NDST4: variants seen among roughly 807,000 people sequenced by gnomAD.
The protein encoded by NDST4 is N-deacetylase and N-sulfotransferase 4.
NDST4 carries 63 observed loss-of-function variants against 100.8 expected under a neutral mutation model. The ratio of observed to expected loss-of-function variants is 0.62; its 90% confidence interval spans 0.51 to 0.77. NDST4 has a LOEUF of 0.77. Among genes scored for constraint, NDST4 ranks in the 30% least tolerant of loss-of-function variants. The pLI is 0.00. For synonymous variants in NDST4, 377 were observed against 361.8 expected (o/e 1.04, Z -0.48); for missense variants, 943 against 1,018.4 (o/e 0.93, Z 1.01).
At chr4:114,848,667 C>T (rs556674360) in intron 8 of NDST4, among the ~76,000 whole-genome samples, 6 of 152,318 alleles carry the variant, frequency 3.9e-5, no homozygotes, top group African/African-American at 1.4e-4. Flanking sequence ...GCATGAAGGG[C>T]AAGGGTCCTT....
chr4:114,973,319 T>C lies in NDST4; in HGVS notation c.1067-2735A>G, dbSNP rs1438816284. On this transcript the variant is annotated intron_variant, in intron 3 of 13. Transcript: ENST00000264363. The stretch of plus-strand genomic sequence containing the variant: ...GTATATGTGGAAATATCATTTGCAG[T>C]TTATATGTGACCAGATTAGCACATT... 2.6e-5 allele frequency among the ~76,000 whole-genome samples: 4 copies of C among 151,940 alleles called. No individual in the cohort carries two copies. In the East Asian group the frequency reaches 7.7e-4, roughly 29 times the overall value.
intron 2 of NDST4, among the ~76,000 whole-genome samples, chr4:115,044,744 A>T (rs1045109839): frequency 3.8e-4 from 57 of 151,450 alleles, no homozygotes; most frequent in Admixed American, 3.7e-3. Context: ...AACATCAGAT[A>T]TTGGGGTTAC....
At chr4:115,080,708 G>GTAA (rs33935748) in intron 1 of NDST4, among the ~76,000 whole-genome samples, 84,269 of 151,316 alleles carry the variant, frequency 0.56, 24,040 homozygotes, top group Non-Finnish European at 0.61. Context: ...GTGTGTGTGT[G>GTAA]TAATAATGAA....
chr4:114,961,541 C>T (rs1342035888), intron 4 of NDST4, among the ~76,000 whole-genome samples: 1 of 151,764 alleles, frequency 6.6e-6, no homozygotes, highest in Non-Finnish European at 1.5e-5. Context: ...ATAATAACTG[C>T]CATGAGGTAA....
At chr4:114,919,340 C>T (rs796221140) in intron 6 of NDST4, among the ~76,000 whole-genome samples, 16 of 152,050 alleles carry the variant, frequency 1.1e-4, no homozygotes, top group African/African-American at 3.9e-4. Flanking sequence ...GTGGTAAATG[C>T]TATGAAAAAA....
rs114765762 is a variant in NDST4 at position 115,085,574 on chromosome 4, C to T, written c.-246-8292G>A. ...TGAGGGTGGTTACCCCCATGCTGCT[C>T]TCATGATACTGAGTGAGTTCTCACA... On this transcript the variant is annotated intron_variant, in intron 1 of 13. Coordinates refer to ENST00000264363, the MANE Select transcript of NDST4 (RefSeq NM_022569.3). 2.0e-5 allele frequency among the ~76,000 whole-genome samples: 3 copies of T among 152,098 alleles called. No individual in the cohort carries two copies. In the East Asian group the frequency reaches 5.8e-4, roughly 29 times the overall value.
chr4:115,050,620 A>G (rs1383315769), intron 2 of NDST4, among the ~76,000 whole-genome samples: 2 of 152,132 alleles, frequency 1.3e-5, no homozygotes, highest in Admixed American at 6.6e-5. Context: ...TTTCATCTTC[A>G]ATAACAAATA....
chr4:115,033,157 A>T (rs7668713), intron 2 of NDST4, among the ~76,000 whole-genome samples: 20,257 of 59,324 alleles, frequency 0.34, 1,768 homozygotes, highest in African/African-American at 0.38. Context: ...ATATATATAT[A>T]TTTTTTTTTT....
chr4:114,950,939 G>A (rs570647980), intron 4 of NDST4, among the ~76,000 whole-genome samples: 4 of 152,014 alleles, frequency 2.6e-5, no homozygotes, highest in African/African-American at 7.2e-5. Context: ...AAATCTCAGC[G>A]TCTCGATCAT....
chr4:115,023,916 A>C (rs987430394), intron 2 of NDST4, among the ~76,000 whole-genome samples: 1 of 152,138 alleles, frequency 6.6e-6, no homozygotes, highest in African/African-American at 2.4e-5. Context: ...TGCGATGGTC[A>C]TCTGTACTCT....
At chr4:114,913,694 T>C (rs1014519968) in intron 6 of NDST4, among the ~76,000 whole-genome samples, 1 of 146,298 alleles carries the variant, frequency 6.8e-6, no homozygotes, top group Non-Finnish European at 1.5e-5. Context: ...CAGAATGGTA[T>C]GCAAGAACCC....
chr4:114,848,480 A>C, intron 8 of NDST4, 142 bp from the exon 9 acceptor site: 1 of 625,642 alleles, frequency 1.6e-6, no homozygotes, highest in East Asian at 2.8e-5. Context: ...AACTAGATGC[A>C]TTCCATGCAG....
chr4:114,925,345 T>A (rs1398613803), intron 6 of NDST4, among the ~76,000 whole-genome samples: 1 of 152,164 alleles, frequency 6.6e-6, no homozygotes, highest in Non-Finnish European at 1.5e-5. Flanking sequence ...CTAAATTACC[T>A]CATCTATGCA....
At chr4:114,833,502 T>C (rs950122910) in intron 12 of NDST4, 104 bp downstream of exon 12, 30 of 709,378 alleles carry the variant, frequency 4.2e-5, no homozygotes, top group Non-Finnish European at 6.8e-5. Flanking sequence ...TAGCATAGGA[T>C]GTATAAATTC....
chr4:115,111,985 T>G (rs1729962361), intron 1 of NDST4, among the ~76,000 whole-genome samples: 1 of 151,818 alleles, frequency 6.6e-6, no homozygotes, highest in Non-Finnish European at 1.5e-5. Context: ...GGCAATTATA[T>G]TTTGCTTATT....
chr4:114,880,928 C>T (rs997224119), intron 6 of NDST4, among the ~76,000 whole-genome samples: 2 of 151,946 alleles, frequency 1.3e-5, no homozygotes, highest in Non-Finnish European at 2.9e-5. Flanking sequence ...GGAGTAGGAG[C>T]GGGGCTGAGA....
At chr4:115,080,372 G>A (rs1482140599) in intron 1 of NDST4, among the ~76,000 whole-genome samples, 1 of 152,004 alleles carries the variant, frequency 6.6e-6, no homozygotes, top group Admixed American at 6.6e-5. Context: ...CCTGACCTCA[G>A]GTGATCCACC....
At chr4:114,939,213 A>C (rs1443245513) in intron 4 of NDST4, among the ~76,000 whole-genome samples, 1 of 152,160 alleles carries the variant, frequency 6.6e-6, no homozygotes, top group Non-Finnish European at 1.5e-5. Context: ...TTGTGGATGC[A>C]TTGGGTGTGA....
At chr4:115,037,106 A>G (rs1728249169) in intron 2 of NDST4, among the ~76,000 whole-genome samples, 1 of 152,036 alleles carries the variant, frequency 6.6e-6, no homozygotes, top group South Asian at 2.1e-4. Flanking sequence ...TTTATAACTA[A>G]GATCAATGAG....
Sources: gnomAD v4.1 joint callset for allele counts (sites outside exome capture counted in the v4.1 genomes callset) on GRCh38, gnomAD v4.1.1 for gene constraint, MANE v1.5 for transcripts, NCBI Gene and HGNC (gene_info 2026-07-23, HGNC 2026-07-21) for gene names.